The following TBC1D30 variants were observed in gnomAD, a reference collection of about 807,000 sequenced individuals.
TBC1D30 encodes the protein TBC1 domain family, member 30.
A neutral mutation model predicts 63.2 loss-of-function variants in TBC1D30; 31 were observed. The ratio of observed to expected loss-of-function variants is 0.49; its 90% confidence interval spans 0.37 to 0.66. The LOEUF (loss-of-function observed/expected upper bound fraction) is 0.66. Among genes scored for constraint, TBC1D30 ranks in the 30% least tolerant of loss-of-function variants. The pLI, the probability that TBC1D30 is intolerant of heterozygous loss-of-function variation, is 0.00. For missense variants in TBC1D30, 810 were observed against 953.6 expected, an observed-to-expected ratio of 0.85 and a Z score of 1.98; for synonymous variants, 307 against 361.5, an observed-to-expected ratio of 0.85 and a Z score of 1.71.
chr12:64,850,980 C>T (rs1565677365), intron 8 of TBC1D30, among the ~76,000 whole-genome samples: 1 of 152,140 alleles, frequency 6.6e-6, no homozygotes, highest in Non-Finnish European at 1.5e-5. Flanking sequence ...GATTTGACTT[C>T]TTCCTGGTTT....
intron 2 of TBC1D30, among the ~76,000 whole-genome samples, chr12:64,805,070 C>T (rs1022068936): frequency 1.3e-5 from 2 of 151,966 alleles, no homozygotes; most frequent in Admixed American, 6.6e-5. Context: ...GGCTTGGTGG[C>T]GGGGCCTGTA....
chr12:64,862,384 TAA>T (rs1565684819), intron 8 of TBC1D30, among the ~76,000 whole-genome samples: 2 of 152,202 alleles, frequency 1.3e-5, no homozygotes, highest in East Asian at 3.8e-4. Context: ...AAGGACTTAC[TAA>T]AAGTCAGTGA....
In TBC1D30 at chr12:64,781,689, T is replaced by TC. The variant is rs1161908298; in HGVS notation, c.478+405dup. On this transcript the variant is annotated intron_variant, in intron 1 of 12. Coordinates refer to the TBC1D30 transcript ENST00000542120. ...CGAGGCGAGTCGTAGGGCTGTTCTTTCCTTTTTTTTTTTTTGTTTTTTTGT... is the reference window on the plus strand; with the variant it reads ...CGAGGCGAGTCGTAGGGCTGTTCTTTCCCTTTTTTTTTTTTTGTTTTTTTGT... 4.5e-5 allele frequency among the ~76,000 whole-genome samples: 4 copies of TC among 89,614 alleles called. No homozygotes were observed. In the South Asian group the frequency reaches 1.7e-3, roughly 38 times the overall value. The allele number at this position is 89,614 out of a possible 152,430, so 58.8% of individuals were successfully genotyped here.
upstream of TBC1D30, among the ~76,000 whole-genome samples, chr12:64,778,350 A>G (rs1375695084): frequency 6.6e-6 from 1 of 152,140 alleles, no homozygotes; most frequent in Non-Finnish European, 1.5e-5. Flanking sequence ...AACAAAATAG[A>G]CAAAATTCCT....
At chr12:64,767,702 A>C (rs1179136141) in intron 1 of TBC1D30, among the ~76,000 whole-genome samples, 2 of 148,058 alleles carry the variant, frequency 1.4e-5, no homozygotes, top group Non-Finnish European at 3.0e-5. Flanking sequence ...TACCCATCCA[A>C]TACATTGATG....
At chr12:64,802,477 A>C (rs971734616) in intron 2 of TBC1D30, among the ~76,000 whole-genome samples, 1 of 151,502 alleles carries the variant, frequency 6.6e-6, no homozygotes, top group African/African-American at 2.4e-5. Flanking sequence ...ATCCCCACCA[A>C]TTTTGTTTCT....
chr12:64,863,660 G>A (rs1255241968), intron 8 of TBC1D30, among the ~76,000 whole-genome samples: 8 of 152,194 alleles, frequency 5.3e-5, no homozygotes, highest in Admixed American at 3.9e-4. Context: ...CAGGTTGTTA[G>A]AATAAAATTA....
Position 64,832,317 on chromosome 12 carries a change from C to T in TBC1D30, c.594+13C>T. ...GGATGCCCTGAAAGTGAGTAGCAGG[C>T]TCTGACAAAGGCCATGGACATTCTT... is the stretch of plus-strand genomic sequence containing the variant. On this transcript the variant is annotated intron_variant, in intron 5 of 11. Transcript: ENST00000539867. 1 of 1,533,440 alleles carries T rather than the reference C, an allele frequency of 6.5e-7. No homozygotes were observed. The highest frequency in any genetic ancestry group is 8.7e-7 in the Non-Finnish European group (1 of 1,144,876). The allele number at this position is 1,533,440 out of a possible 1,614,324, so 95.0% of individuals were successfully genotyped here.
At chr12:64,788,192 G>GGCGT (rs113412056) in intron 2 of TBC1D30, among the ~76,000 whole-genome samples, 5 of 145,146 alleles carry the variant, frequency 3.4e-5, no homozygotes, top group African/African-American at 1.0e-4. Flanking sequence ...GGTGTGTAGG[G>GGCGT]GTGTGTGTGT....
chr12:64,833,525 C>G (rs1323212941), intron 5 of TBC1D30, among the ~76,000 whole-genome samples: 3 of 152,096 alleles, frequency 2.0e-5, no homozygotes, highest in Non-Finnish European at 4.4e-5. Flanking sequence ...CAAGAACCGC[C>G]CCCCGACACA....
upstream of TBC1D30, among the ~76,000 whole-genome samples, chr12:64,823,376 T>G (rs1874011172): frequency 6.6e-6 from 1 of 152,256 alleles, no homozygotes. Flanking sequence ...TTTTTTTCTG[T>G]GTTCTTATGC....
chr12:64,877,083 A>T lies in TBC1D30; in HGVS notation c.*1295A>T, dbSNP rs1879143533. On this transcript the variant is annotated 3_prime_UTR_variant, in exon 12 of 12. Coordinates refer to ENST00000539867, the MANE Select transcript of TBC1D30 (RefSeq NM_015279.2). The stretch of plus-strand genomic sequence containing the variant: ...CATTCACTAAAATCCCTCCTGACTC[A>T]AAGGACCTGTCTCCAGATGGTACAG... 1 of 357,364 alleles carries T rather than the reference A, an allele frequency of 2.8e-6. No homozygotes were observed. The highest frequency in any genetic ancestry group is 7.4e-5 in the East Asian group (1 of 13,528). The allele number at this position is 357,364 out of a possible 1,614,324, so 22.1% of individuals were successfully genotyped here.
intron 8 of TBC1D30, among the ~76,000 whole-genome samples, chr12:64,853,009 C>T (rs1045499268): frequency 2.0e-5 from 3 of 152,160 alleles, no homozygotes; most frequent in Non-Finnish European, 4.4e-5. Context: ...TGGTAGAGCT[C>T]GAGCACTGTG....
rs1878351457 is a variant in TBC1D30 at position 64,867,850 on chromosome 12, C to T, written c.1291+947C>T. ...CTGTTTACAAAGAGATAACTTCCAC[C>T]TACCCGTTCTACTAATAGTTCTTCT... On this transcript the variant is annotated intron_variant, in intron 10 of 11. Transcript: ENST00000539867. 3 of 152,180 alleles carry T rather than the reference C, an allele frequency of 2.0e-5. No individual in the cohort carries two copies. In the South Asian group the frequency reaches 6.2e-4, roughly 32 times the overall value. 9.4% of individuals were successfully genotyped at this position (152,180 alleles called of 1,614,324 possible).
intron 5 of TBC1D30, among the ~76,000 whole-genome samples, chr12:64,835,727 A>G (rs1565667165): frequency 1.3e-5 from 2 of 152,156 alleles, no homozygotes; most frequent in Non-Finnish European, 2.9e-5. Context: ...GAGCCTAAAC[A>G]TTGAATGGAA....
intron 3 of TBC1D30, among the ~76,000 whole-genome samples, chr12:64,829,492 G>T (rs1251402384): frequency 6.6e-6 from 1 of 152,088 alleles, no homozygotes; most frequent in Non-Finnish European, 1.5e-5. Flanking sequence ...AGTAGGTGAG[G>T]TGTGTGTGTG....
Position 64,839,427 on chromosome 12 carries a change from A to ATT in TBC1D30, c.932+580_932+581dup, listed in dbSNP as rs1875647070. ...GTAGCAGGGCTGAAAAAGATAGGGT[A>ATT]TTTTTCATTCACCTTTGATATATTA... On this transcript the variant is annotated intron_variant, in intron 7 of 11. Coordinates refer to ENST00000539867, the MANE Select transcript of TBC1D30 (RefSeq NM_015279.2). Among the ~76,000 whole-genome samples the ATT allele has an allele frequency of 2.6e-5, 4 of 152,098 alleles. No homozygotes were observed. In the South Asian group the frequency reaches 8.3e-4, roughly 32 times the overall value.
At chr12:64,832,389 A>G in intron 5 of TBC1D30, 85 bp downstream of exon 5, 1 of 1,350,568 alleles carries the variant, frequency 7.4e-7, no homozygotes, top group Non-Finnish European at 1.0e-6. Context: ...TTGATGTCTC[A>G]TCCTTTTCCA....
upstream of TBC1D30, among the ~76,000 whole-genome samples, chr12:64,821,407 C>A (rs1310719617): frequency 2.0e-5 from 3 of 152,158 alleles, no homozygotes; most frequent in African/African-American, 7.2e-5. Context: ...TGTTGTAGAA[C>A]AGAGCTGATT....
Sources: gnomAD v4.1 joint callset for allele counts (sites outside exome capture counted in the v4.1 genomes callset) on GRCh38, gnomAD v4.1.1 for gene constraint, MANE v1.5 for transcripts, NCBI Gene and HGNC (gene_info 2026-07-23, HGNC 2026-07-21) for gene names.